The following DENND2C variants were observed in gnomAD, a reference collection of about 807,000 sequenced individuals.
DENND2C encodes DENN domain containing 2C, also known as DENN domain-containing protein 2C.
A neutral mutation model predicts 112.4 loss-of-function variants in DENND2C; 72 were observed. The ratio of observed to expected loss-of-function variants is 0.64; its 90% confidence interval spans 0.53 to 0.78. The LOEUF is 0.78. Among genes scored for constraint, DENND2C ranks in the 30% least tolerant of loss-of-function variants. The pLI is 0.00. For missense variants in DENND2C, 992 were observed against 1,113.8 expected, an observed-to-expected ratio of 0.89 and a Z score of 1.56; for synonymous variants, 329 against 381.6, an observed-to-expected ratio of 0.86 and a Z score of 1.61.
At chr1:114,610,392 T>C (rs570770515) in intron 9 of DENND2C, among the ~76,000 whole-genome samples, 1 of 152,318 alleles carries the variant, frequency 6.6e-6, no homozygotes, top group South Asian at 2.1e-4. Flanking sequence ...TAATTACACT[T>C]GAGTGGCTAT....
At chr1:114,587,988 C>T in intron 18 of DENND2C, 36 bp from the exon 19 acceptor site, 1 of 1,578,998 alleles carries the variant, frequency 6.3e-7, no homozygotes, top group Non-Finnish European at 8.7e-7. Flanking sequence ...AGAAAAAAAT[C>T]TCCTCAGTTA....
In DENND2C at chr1:114,608,897, GT is replaced by G. The variant is rs760084783; in HGVS notation, c.1370-25del. ...ATCTGTAATGAAATCATGGAGAAAT[GT>G]TTTTTTCTCTGTAGCCCTACCTTCC... is the stretch of plus-strand genomic sequence containing the variant. On this transcript the variant is annotated intron_variant, in intron 9 of 20. Transcript: ENST00000393274. 3.7e-6 allele frequency: 6 copies of G among 1,613,094 alleles called. 1 individual carries two copies. In the South Asian group the frequency reaches 4.4e-5, roughly 12 times the overall value.
intron 2 of DENND2C, among the ~76,000 whole-genome samples, chr1:114,645,983 G>A (rs1337957726): frequency 6.6e-6 from 1 of 151,532 alleles, no homozygotes; most frequent in Non-Finnish European, 1.5e-5. Context: ...CTGGAGTGCA[G>A]TGGCGCCGTT....
chr1:114,659,867 C>G (rs1163762125), intron 1 of DENND2C, among the ~76,000 whole-genome samples: 2 of 143,824 alleles, frequency 1.4e-5, no homozygotes, highest in East Asian at 4.7e-4. Flanking sequence ...TTGCAACTCA[C>G]TGTAGCCTCA....
At position 114,583,472 on chromosome 1, in the gene DENND2C, G is replaced by T. The variant is rs1445216212; in HGVS notation, c.*2128C>A. ...AATGAAAAGTGCACCATCTGAACTT[G>T]AATTTGCCCATGAGTTTGAAAACAC... On this transcript the variant is annotated 3_prime_UTR_variant, in exon 21 of 21. Transcript: ENST00000393274. The T allele has an allele frequency of 6.7e-6, 1 of 149,170 alleles. No individual in the cohort carries two copies. The highest frequency in any genetic ancestry group is 1.5e-5 in the Non-Finnish European group (1 of 67,058). 9.2% of individuals were successfully genotyped at this position (149,170 alleles called of 1,614,324 possible).
At chr1:114,663,201 T>C (rs1257661898) in intron 1 of DENND2C, among the ~76,000 whole-genome samples, 1 of 152,212 alleles carries the variant, frequency 6.6e-6, no homozygotes, top group Non-Finnish European at 1.5e-5. Context: ...AGAATAAAAT[T>C]CCATCCTGTC....
chr1:114,602,230 A>G (rs2101649214), intron 11 of DENND2C, 36 bp from the exon 12 acceptor site: 2 of 1,603,010 alleles, frequency 1.2e-6, no homozygotes, highest in Non-Finnish European at 1.7e-6. Flanking sequence ...TAGGATCCAA[A>G]CAATTACTTA....
At position 114,608,817 on chromosome 1, in the gene DENND2C, G is replaced by A. The variant is rs1655731363; in HGVS notation, c.1426C>T (p.Gln476Ter). The change falls in exon 10 of 21, where the codon CAG becomes TAG. Residue 476 changes from glutamine (Q) to a stop codon, truncating the protein, a stop_gained. Transcript: ENST00000393274. LOFTEE classifies it high-confidence loss of function. Reference sequence around the variant, plus strand: ...TCAATAAGATCCCGCTCCAAGGTCTGGTAGTGAGGATTCCTCTTGGAAGAC... The same window carrying A: ...TCAATAAGATCCCGCTCCAAGGTCTAGTAGTGAGGATTCCTCTTGGAAGAC... ...QPSSKRNPHYQTLERDLIELQ... is the reference protein window; with the variant it reads ...QPSSKRNPHY 6.2e-7 allele frequency: 1 copy of A among 1,614,188 alleles called. No individual in the cohort carries two copies. The highest frequency in any genetic ancestry group is 8.5e-7 in the Non-Finnish European group (1 of 1,180,032).
At chr1:114,591,386 A>G (rs1655186428) in intron 18 of DENND2C, among the ~76,000 whole-genome samples, 1 of 152,154 alleles carries the variant, frequency 6.6e-6, no homozygotes, top group South Asian at 2.1e-4. Flanking sequence ...TCAATTATTT[A>G]TGGGCTTATC....
intron 8 of DENND2C, among the ~76,000 whole-genome samples, chr1:114,611,659 G>A (rs1292196083): frequency 1.3e-5 from 2 of 152,010 alleles, no homozygotes; most frequent in African/African-American, 2.4e-5. Flanking sequence ...AATTCTCACA[G>A]TACTCATACT....
At chr1:114,620,642 G>A (rs1263171930) in intron 7 of DENND2C, among the ~76,000 whole-genome samples, 4 of 152,120 alleles carry the variant, frequency 2.6e-5, no homozygotes, top group African/African-American at 9.7e-5. Context: ...ACCAGAGGGC[G>A]CAGCTACTGC....
At chr1:114,637,769 C>A (rs1656698472) in intron 3 of DENND2C, among the ~76,000 whole-genome samples, 1 of 152,144 alleles carries the variant, frequency 6.6e-6, no homozygotes, top group African/African-American at 2.4e-5. Context: ...CCTGCCTTGG[C>A]CTCCCAAAGT....
At chr1:114,629,437 C>A (rs1262692299) in intron 3 of DENND2C, among the ~76,000 whole-genome samples, 2 of 152,134 alleles carry the variant, frequency 1.3e-5, no homozygotes, top group Non-Finnish European at 2.9e-5. Flanking sequence ...ATCACCACAC[C>A]CAGCTAGTTT....
At chr1:114,616,006 C>T (rs550275410) in intron 8 of DENND2C, among the ~76,000 whole-genome samples, 188 of 151,950 alleles carry the variant, frequency 1.2e-3, no homozygotes, top group African/African-American at 4.4e-3. Context: ...ACCCGGGAGG[C>T]GGAGCTTGCA....
rs1317413632 is a variant in DENND2C at position 114,608,681 on chromosome 1, C to A, written c.1557+5G>T. 6.2e-7 allele frequency: 1 copy of A among 1,612,880 alleles called. No individual in the cohort carries two copies. The highest frequency in any genetic ancestry group is 1.3e-5 in the African/African-American group (1 of 75,006). ...CTGAATGCCTCTTGGCCTCCTTGTG[C>A]CTACCTTGCCAGGGAATTGTTGTAT... On this transcript the variant is annotated splice_donor_5th_base_variant and intron_variant, in intron 10 of 20. Transcript: ENST00000393274.
intron 3 of DENND2C, among the ~76,000 whole-genome samples, chr1:114,633,861 A>C (rs1656570064): frequency 6.6e-6 from 1 of 152,234 alleles, no homozygotes; most frequent in Admixed American, 6.5e-5. Context: ...AACTTAATTT[A>C]AAAAGCAAGA....
chr1:114,600,114 T>A, intron 15 of DENND2C, 90 bp downstream of exon 15: 2 of 1,419,396 alleles, frequency 1.4e-6, no homozygotes, highest in Non-Finnish European at 1.9e-6. Flanking sequence ...ACTTAAAGTA[T>A]AATAGTAAAA....
Position 114,594,468 on chromosome 1 carries a change from C to T in DENND2C, c.2431+5G>A. ...CCTTAAGTCCTTGGCTCACTTGTCTCATACCTTGTGAAAAATTCTGCTCCT... is the reference window on the plus strand; with the variant it reads ...CCTTAAGTCCTTGGCTCACTTGTCTTATACCTTGTGAAAAATTCTGCTCCT... On this transcript the variant is annotated splice_donor_5th_base_variant and intron_variant, in intron 18 of 20. Coordinates refer to ENST00000393274, the MANE Select transcript of DENND2C (RefSeq NM_001256404.2). 6.2e-7 allele frequency: 1 copy of T among 1,612,344 alleles called. No individual in the cohort carries two copies. The highest frequency in any genetic ancestry group is 1.1e-5 in the South Asian group (1 of 91,050).
chr1:114,632,812 T>C (rs1429103905), intron 3 of DENND2C, among the ~76,000 whole-genome samples: 1 of 152,192 alleles, frequency 6.6e-6, no homozygotes, highest in Non-Finnish European at 1.5e-5. Flanking sequence ...TTTACACTTA[T>C]CTGTATTTAG....
Sources: gnomAD v4.1 joint callset for allele counts (sites outside exome capture counted in the v4.1 genomes callset) on GRCh38, gnomAD v4.1.1 for gene constraint, MANE v1.5 for transcripts, NCBI Gene and HGNC (gene_info 2026-07-23, HGNC 2026-07-21) for gene names.